DNM3: variants seen among roughly 807,000 people sequenced by gnomAD.
The protein encoded by DNM3 is dynamin-3.
DNM3 carries 47 observed loss-of-function variants against 101.6 expected under a neutral mutation model. That is an observed-to-expected ratio of 0.46 (90% CI 0.37 to 0.59). DNM3 has a LOEUF of 0.59. Ranked by LOEUF, DNM3 falls within the 20% of genes least tolerant of loss-of-function variation. The pLI, the probability that DNM3 is intolerant of heterozygous loss-of-function variation, is 0.00. For missense variants in DNM3, 849 were observed against 1,085.7 expected (o/e 0.78, Z 3.06); for synonymous variants, 385 against 387.9 (o/e 0.99, Z 0.09).
rs190675208 is a variant in DNM3 at position 172,085,078 on chromosome 1, G to A, written c.1493+3176G>A. 1.1e-3 allele frequency among the ~76,000 whole-genome samples: 167 copies of A among 151,682 alleles called. 2 individuals carry two copies. The highest frequency in any genetic ancestry group is 3.4e-3 in the African/African-American group (142 of 41,400). On this transcript the variant is annotated intron_variant, in intron 12 of 20. Coordinates refer to ENST00000627582, the MANE Select transcript of DNM3 (RefSeq NM_015569.5). ...AGACATGGCCTGTAAAATATGTACC[G>A]TGTGTAATGTGTCCAAATAAGCACT...
intron 1 of DNM3, among the ~76,000 whole-genome samples, chr1:171,859,100 A>G (rs906738068): frequency 4.6e-5 from 7 of 152,184 alleles, no homozygotes; most frequent in African/African-American, 1.7e-4. Flanking sequence ...TTGGGATGTC[A>G]TACAAGGCCC....
chr1:172,196,935 G>C (rs1340656297), intron 14 of DNM3, among the ~76,000 whole-genome samples: 2 of 152,008 alleles, frequency 1.3e-5, no homozygotes, highest in African/African-American at 4.8e-5. Context: ...GTCAATTTTT[G>C]CTTTTGATGT....
chr1:172,254,061 C>G (rs2062299498), intron 15 of DNM3, among the ~76,000 whole-genome samples: 3 of 152,050 alleles, frequency 2.0e-5, no homozygotes, highest in African/African-American at 7.2e-5. Context: ...CCTACCTCAG[C>G]CCTCTAGAGT....
At chr1:172,050,951 A>T (rs1390487635) in intron 10 of DNM3, among the ~76,000 whole-genome samples, 1 of 151,974 alleles carries the variant, frequency 6.6e-6, no homozygotes, top group Admixed American at 6.6e-5. Context: ...ATGGCATGGG[A>T]TGAGACAGCT....
At chr1:172,148,805 T>C (rs959986141) in intron 14 of DNM3, among the ~76,000 whole-genome samples, 2 of 152,020 alleles carry the variant, frequency 1.3e-5, no homozygotes, top group East Asian at 3.9e-4. Flanking sequence ...GGCAATGCAG[T>C]CCCCTAATCT....
chr1:172,250,013 A>G (rs975089035), intron 14 of DNM3, among the ~76,000 whole-genome samples: 1 of 152,202 alleles, frequency 6.6e-6, no homozygotes, highest in Non-Finnish European at 1.5e-5. Context: ...TAAGCTACTT[A>G]AACAAGAGAG....
At chr1:172,061,031 G>C (rs1403875385) in intron 10 of DNM3, among the ~76,000 whole-genome samples, 2 of 122,578 alleles carry the variant, frequency 1.6e-5, no homozygotes, top group Non-Finnish European at 3.3e-5. Flanking sequence ...TCAAAAAGTG[G>C]GCAAAGGACA....
At chr1:172,001,303 G>C (rs1006581452) in intron 4 of DNM3, among the ~76,000 whole-genome samples, 12 of 151,916 alleles carry the variant, frequency 7.9e-5, no homozygotes, top group Admixed American at 7.2e-4. Context: ...GCTGCTCAAG[G>C]TGCCTAGCAG....
intron 2 of DNM3, among the ~76,000 whole-genome samples, chr1:171,930,774 G>C (rs183189958): frequency 2.0e-5 from 3 of 152,298 alleles, no homozygotes; most frequent in East Asian, 1.9e-4. Flanking sequence ...TGTTTCAGTT[G>C]AGCGTGCTGT....
chr1:171,944,958 G>A (rs1365386273), intron 2 of DNM3, among the ~76,000 whole-genome samples: 2 of 144,980 alleles, frequency 1.4e-5, no homozygotes, highest in East Asian at 4.1e-4. Context: ...TGACCTTCTG[G>A]GCTCAGGTGA....
intron 4 of DNM3, among the ~76,000 whole-genome samples, chr1:172,022,843 A>G (rs1200205494): frequency 2.0e-5 from 3 of 152,158 alleles, no homozygotes; most frequent in Admixed American, 1.3e-4. Context: ...ATACTTATGT[A>G]TACTCACACA....
intron 9 of DNM3, among the ~76,000 whole-genome samples, chr1:172,046,563 A>AT (rs2049825443): frequency 7.1e-6 from 1 of 140,660 alleles, no homozygotes; most frequent in African/African-American, 2.8e-5. Flanking sequence ...AATAATAATA[A>AT]AAAAAAGAAA....
intron 14 of DNM3, 114 bp downstream of exon 14, chr1:172,131,402 T>G: frequency 1.2e-6 from 1 of 847,096 alleles, no homozygotes; most frequent in Non-Finnish European, 1.9e-6. Flanking sequence ...TCAGTGAGAT[T>G]AAGCTTGGAA....
At chr1:172,191,693 G>C (rs572683220) in intron 14 of DNM3, among the ~76,000 whole-genome samples, 2 of 152,152 alleles carry the variant, frequency 1.3e-5, no homozygotes, top group Non-Finnish European at 2.9e-5. Flanking sequence ...TTATTTCGTT[G>C]AGCAGTGGTT....
chr1:172,133,603 A>C (rs1160804639), intron 14 of DNM3, among the ~76,000 whole-genome samples: 1 of 152,176 alleles, frequency 6.6e-6, no homozygotes. Flanking sequence ...CTAACAAGCA[A>C]ATAGACTAGT....
At chr1:172,133,215 A>G (rs1033268849) in intron 14 of DNM3, 2 of 1,192,722 alleles carry the variant, frequency 1.7e-6, no homozygotes, top group African/African-American at 1.6e-5. Context: ...TGGAAGGTAT[A>G]GGATGCTCTC....
Position 172,410,405 on chromosome 1 carries a change from T to C in DNM3, c.*2564T>C, listed in dbSNP as rs541856198. 7.1e-6 allele frequency: 7 copies of C among 985,150 alleles called. No individual in the cohort carries two copies. In the South Asian group the frequency reaches 2.8e-4, roughly 40 times the overall value. The allele number at this position is 985,150 out of a possible 1,614,324, so 61.0% of individuals were successfully genotyped here. ...GATTGCTCTGATATTGTAAACACAA[T>C]AGATGTAGCTCTATCATGTCTAGCA... On this transcript the variant is annotated 3_prime_UTR_variant, in exon 21 of 21. Transcript: ENST00000627582.
At position 172,418,306 on chromosome 1, in the gene DNM3, C is replaced by T. The variant is rs1031158927; in HGVS notation, c.2566C>T (p.Arg856Ter). Residue 856 changes from arginine (R) to a stop codon, truncating the protein, a stop_gained, in exon 21 of 21, where the codon CGA (arginine) becomes TGA (stop). Transcript: ENST00000485254. LOFTEE classifies it high-confidence loss of function. ...GCGACCCCCTCCTGCAGTTCCAGGA[C>T]GACCATCCTAACCCCCATCATTCAT... 26 of 1,289,324 alleles carry T rather than the reference C, an allele frequency of 2.0e-5. No homozygotes were observed. Among genetic ancestry groups the T allele is most frequent in the Admixed American group, 4.6e-5 (2 of 43,498 alleles). The allele number at this position is 1,289,324 out of a possible 1,614,324, so 79.9% of individuals were successfully genotyped here.
chr1:171,847,119 C>T (rs543076908), intron 1 of DNM3, among the ~76,000 whole-genome samples: 4 of 151,938 alleles, frequency 2.6e-5, no homozygotes, highest in Middle Eastern at 3.4e-3. Flanking sequence ...TAAGAATATA[C>T]AAGAAAATAT....
Sources: gnomAD v4.1 joint callset for allele counts (sites outside exome capture counted in the v4.1 genomes callset) on GRCh38, gnomAD v4.1.1 for gene constraint, MANE v1.5 for transcripts, NCBI Gene and HGNC (gene_info 2026-07-23, HGNC 2026-07-21) for gene names.